DCDC2: variants seen among roughly 807,000 people sequenced by gnomAD.
DCDC2 encodes doublecortin domain containing 2.
A neutral mutation model predicts 50.2 loss-of-function variants in DCDC2; 40 were observed. That is an observed-to-expected ratio of 0.80 (90% CI 0.62 to 1.04). The LOEUF is 1.04. Ranked by LOEUF, DCDC2 falls within the 50% of genes least tolerant of loss-of-function variation. The pLI is 0.00. For synonymous variants in DCDC2, 234 were observed against 210.6 expected, an observed-to-expected ratio of 1.11 and a Z score of -0.96; for missense variants, 570 against 581.9, an observed-to-expected ratio of 0.98 and a Z score of 0.21.
intron 2 of DCDC2, among the ~76,000 whole-genome samples, chr6:24,328,571 A>G (rs1012605644): frequency 6.6e-6 from 1 of 152,114 alleles, no homozygotes; most frequent in African/African-American, 2.4e-5. Context: ...CATGCCCCAG[A>G]GGTATATTGA....
chr6:24,287,997 T>C (rs916647170), intron 6 of DCDC2, among the ~76,000 whole-genome samples: 1 of 152,252 alleles, frequency 6.6e-6, no homozygotes, highest in East Asian at 1.9e-4. Flanking sequence ...GCACTACTTA[T>C]GTACACAAAA....
intron 8 of DCDC2, among the ~76,000 whole-genome samples, chr6:24,184,854 G>C (rs1008932709): frequency 1.3e-5 from 2 of 152,076 alleles, no homozygotes; most frequent in African/African-American, 2.4e-5. Context: ...CTATTATTCA[G>C]AACAACTTTG....
chr6:24,195,586 G>T (rs1761414249), intron 8 of DCDC2, among the ~76,000 whole-genome samples: 1 of 152,012 alleles, frequency 6.6e-6, no homozygotes, highest in African/African-American at 2.4e-5. Context: ...CTGACATTCT[G>T]GGCTGCAGAA....
At chr6:24,359,445 G>GTA (rs1357120512), upstream of DCDC2, among the ~76,000 whole-genome samples, 1 of 30,446 alleles carries the variant, frequency 3.3e-5, no homozygotes, top group Non-Finnish European at 5.5e-5. Flanking sequence ...ATACTATATA[G>GTA]TATATATATT....
At chr6:24,201,189 A>G (rs1325631675) in intron 8 of DCDC2, among the ~76,000 whole-genome samples, 1 of 152,200 alleles carries the variant, frequency 6.6e-6, no homozygotes, top group Non-Finnish European at 1.5e-5. Context: ...CCCCAAATCA[A>G]CAGAATATAC....
At chr6:24,175,008 T>C (rs1330724106) in intron 9 of DCDC2, among the ~76,000 whole-genome samples, 174 bp from the exon 10 acceptor site, 2 of 152,164 alleles carry the variant, frequency 1.3e-5, no homozygotes, top group African/African-American at 2.4e-5. Context: ...GGACATACTG[T>C]TTTCTCAACA....
Position 24,174,418 on chromosome 6 carries a change from G to A in DCDC2, c.*312C>T. On this transcript the variant is annotated 3_prime_UTR_variant, in exon 10 of 10. Coordinates refer to ENST00000378454, the MANE Select transcript of DCDC2 (RefSeq NM_016356.5). ...AACTGCCTTCTAAACTTATAATAAAGCGTACAATAAGAGTGATCCTATTTT... is the reference window on the plus strand; with the variant it reads ...AACTGCCTTCTAAACTTATAATAAAACGTACAATAAGAGTGATCCTATTTT... 1 of 178,554 alleles carries A rather than the reference G, an allele frequency of 5.6e-6. No individual in the cohort carries two copies. The highest frequency in any genetic ancestry group is 2.6e-3 in the Middle Eastern group (1 of 390). 11.1% of individuals were successfully genotyped at this position (178,554 alleles called of 1,614,324 possible). A position where few individuals can be genotyped will look rare whatever the true frequency, so the allele number is the denominator to read the frequency against.
chr6:24,258,086 T>A (rs528443626), intron 7 of DCDC2, among the ~76,000 whole-genome samples: 1 of 152,286 alleles, frequency 6.6e-6, no homozygotes, highest in Non-Finnish European at 1.5e-5. Context: ...AGTGGGTTCC[T>A]TCGGGTGGGT....
At chr6:24,214,214 T>C (rs576942003) in intron 7 of DCDC2, among the ~76,000 whole-genome samples, 53 of 152,326 alleles carry the variant, frequency 3.5e-4, no homozygotes, top group Non-Finnish European at 6.9e-4. Context: ...TGTTATGCAA[T>C]TGATGTATAC....
chr6:24,185,246 T>C (rs1415437582), intron 8 of DCDC2, among the ~76,000 whole-genome samples: 1 of 152,210 alleles, frequency 6.6e-6, no homozygotes, highest in African/African-American at 2.4e-5. Context: ...CCCTGTCTCA[T>C]AGTCATTATT....
At chr6:24,285,277 C>T (rs1021979631) in intron 6 of DCDC2, among the ~76,000 whole-genome samples, 7 of 152,172 alleles carry the variant, frequency 4.6e-5, no homozygotes, top group African/African-American at 1.4e-4. Flanking sequence ...CATGGAACTA[C>T]GTTTGACAAC....
At chr6:24,205,162 G>C in intron 7 of DCDC2, 60 bp from the exon 8 acceptor site, 1 of 1,614,114 alleles carries the variant, frequency 6.2e-7, no homozygotes, top group Non-Finnish European at 8.5e-7. Context: ...GTGGCTGAAT[G>C]CTGGAATTAC....
chr6:24,358,168 T>C, upstream of DCDC2: 1 of 461,146 alleles, frequency 2.2e-6, no homozygotes, highest in Non-Finnish European at 3.9e-6. Flanking sequence ...AAACCCAATT[T>C]CTTACATCAT....
intron 1 of DCDC2, among the ~76,000 whole-genome samples, chr6:24,354,744 G>C (rs1760434903): frequency 6.6e-6 from 1 of 152,122 alleles, no homozygotes; most frequent in Admixed American, 6.5e-5. Flanking sequence ...CACAGGGAAA[G>C]TTTTGGGGGA....
chr6:24,178,612 G>T lies in DCDC2; in HGVS notation c.1044C>A (p.Asp348Glu), dbSNP rs143313706. The stretch of plus-strand genomic sequence containing the variant: ...TTGCCTTCTCTCCATCTTCTTCCTC[G>T]TCTACTATTTCTGCTGGCCTCTGAT... ...PVDQRPAEIV[D>E]EEEDGEKANK... is the part of the protein sequence containing the mutation. The change falls in exon 9 of 10, where the codon GAC becomes GAA. Residue 348 changes from aspartate to glutamate, a missense_variant. Physicochemically the swap from Asp to Glu is conservative, Grantham distance 45. Transcript: ENST00000378454. The T allele has an allele frequency of 6.2e-7, 1 of 1,612,930 alleles. No homozygotes were observed. The highest frequency in any genetic ancestry group is 8.5e-7 in the Non-Finnish European group (1 of 1,179,752).
At chr6:24,217,704 T>A (rs1047107322) in intron 7 of DCDC2, among the ~76,000 whole-genome samples, 18 of 152,206 alleles carry the variant, frequency 1.2e-4, no homozygotes, top group Non-Finnish European at 1.9e-4. Context: ...TGACTTGCTT[T>A]AAACAAAGTG....
intron 7 of DCDC2, among the ~76,000 whole-genome samples, chr6:24,260,570 T>G (rs1196092619): frequency 6.6e-6 from 1 of 152,234 alleles, no homozygotes; most frequent in Non-Finnish European, 1.5e-5. Flanking sequence ...TGCCTCACAG[T>G]TGAACAGCTG....
chr6:24,218,321 AT>A (rs1458838046), intron 7 of DCDC2, among the ~76,000 whole-genome samples: 8 of 152,126 alleles, frequency 5.3e-5, no homozygotes, highest in Admixed American at 2.0e-4. Context: ...ACCAGCCAGC[AT>A]TTTTTTCACT....
chr6:24,291,798 T>A (rs1763759089), intron 4 of DCDC2, among the ~76,000 whole-genome samples: 1 of 152,230 alleles, frequency 6.6e-6, no homozygotes, highest in African/African-American at 2.4e-5. Flanking sequence ...TTAATACTTT[T>A]AAATTTTATT....
Sources: gnomAD v4.1 joint callset for allele counts (sites outside exome capture counted in the v4.1 genomes callset) on GRCh38, gnomAD v4.1.1 for gene constraint, MANE v1.5 for transcripts, NCBI Gene and HGNC (gene_info 2026-07-23, HGNC 2026-07-21) for gene names.